Variants in ZNF557 observed in about 807,000 individuals in gnomAD.
ZNF557 encodes CTB-25J19.9.
ZNF557 carries 19 observed loss-of-function variants against 21.2 expected under a neutral mutation model. The observed-to-expected ratio is 0.90, with a 90% confidence interval of 0.63 to 1.32. The LOEUF (loss-of-function observed/expected upper bound fraction) is 1.32, where lower values mean the gene tolerates loss of function less well. Ranked by LOEUF, ZNF557 falls within the 40% of genes most tolerant of loss-of-function variation. The pLI is 0.00. For missense variants in ZNF557, 487 were observed against 519.8 expected, an observed-to-expected ratio of 0.94 and a Z score of 0.61; for synonymous variants, 207 against 194.8, an observed-to-expected ratio of 1.06 and a Z score of -0.52.
chr19:7,082,503 C>T (rs1325468155), intron 7 of ZNF557, among the ~76,000 whole-genome samples: 1 of 151,268 alleles, frequency 6.6e-6, no homozygotes, highest in African/African-American at 2.4e-5. Flanking sequence ...AGTAGTACCT[C>T]TGGAGAGATA....
In ZNF557 at chr19:7,086,948, G is replaced by A. The variant is rs2145182762; in HGVS notation, c.*3204G>A. 1 of 151,816 alleles carries A rather than the reference G, an allele frequency of 6.6e-6. No individual in the cohort carries two copies. The highest frequency in any genetic ancestry group is 2.0e-4 in the East Asian group (1 of 5,028). The allele number at this position is 151,816 out of a possible 1,614,324, so 9.4% of individuals were successfully genotyped here. ...GGAGGCTGAGGCAGGAGAATCGCTT[G>A]AGCCTGGGAAGCGGAGGTTGCAGTG... On this transcript the variant is annotated 3_prime_UTR_variant, in exon 8 of 8. Transcript: ENST00000252840.
intron 2 of ZNF557, among the ~76,000 whole-genome samples, chr19:7,073,703 G>C (rs550833307): frequency 6.6e-6 from 1 of 152,172 alleles, no homozygotes; most frequent in Non-Finnish European, 1.5e-5. Context: ...ACTGGCCTGT[G>C]GGGAATGGCT....
Position 7,082,049 on chromosome 19 carries a change from A to T in ZNF557, c.423A>T (p.Lys141Asn), listed in dbSNP as rs976715988. 7 of 1,612,344 alleles carry T rather than the reference A, an allele frequency of 4.3e-6. No homozygotes were observed. The highest frequency in any genetic ancestry group is 5.1e-6 in the Non-Finnish European group (6 of 1,178,430). ...GAAAAGAACAATCTAGAAATATGAA[A>T]ATGGTAAGACTAACATGGGTGATTC... ...VFRKEQSRNMKMERNHLGATL... is the reference protein window; with the variant it reads ...VFRKEQSRNMNMERNHLGATL... Residue 141 changes from lysine (K) to asparagine (N), a missense_variant, in exon 7 of 8, where the codon AAA becomes AAT. Lys to Asn is a moderately conservative substitution (Grantham distance 94). Transcript: ENST00000252840.
At chr19:7,072,821 C>G (rs1385834017) in intron 2 of ZNF557, among the ~76,000 whole-genome samples, 1 of 152,332 alleles carries the variant, frequency 6.6e-6, no homozygotes, top group East Asian at 1.9e-4. Context: ...GTGTGTCCTG[C>G]TCCCAGAAAG....
intron 5 of ZNF557, 59 bp from the exon 6 acceptor site, chr19:7,081,301 T>C: frequency 8.5e-7 from 1 of 1,182,412 alleles, no homozygotes; most frequent in Non-Finnish European, 1.3e-6. Context: ...TTCAGTTTCA[T>C]GGGAGAGCTT....
At chr19:7,077,203 T>A (rs767956368) in intron 5 of ZNF557, among the ~76,000 whole-genome samples, 13 of 136,992 alleles carry the variant, frequency 9.5e-5, no homozygotes, top group South Asian at 4.8e-4. Flanking sequence ...TGGTGTGATC[T>A]CAGCTTACTG....
Position 7,087,472 on chromosome 19 carries a change from G to C in ZNF557, c.*3728G>C, listed in dbSNP as rs1194055398. ...GGAGAATTGCTTCAAACTGGGCAGA[G>C]GTTGCAGTGAGCCAAGGTTGACCCA... On this transcript the variant is annotated 3_prime_UTR_variant, in exon 8 of 8. Coordinates refer to ENST00000252840, the MANE Select transcript of ZNF557 (RefSeq NM_024341.3). 1 of 150,782 alleles carries C rather than the reference G, an allele frequency of 6.6e-6. No individual in the cohort carries two copies. The highest frequency in any genetic ancestry group is 1.5e-5 in the Non-Finnish European group (1 of 67,830). 9.3% of individuals were successfully genotyped at this position (150,782 alleles called of 1,614,324 possible). A position where few individuals can be genotyped will look rare whatever the true frequency, so the allele number is the denominator to read the frequency against.
At chr19:7,077,157 A>C (rs1361178847) in intron 5 of ZNF557, among the ~76,000 whole-genome samples, 1 of 7,916 alleles carries the variant, frequency 1.3e-4, no homozygotes, top group Non-Finnish European at 2.8e-4. Context: ...TTTTTTTGAG[A>C]TGGAGTTTCA....
At chr19:7,070,753 T>G (rs1259768087) in intron 2 of ZNF557, 100 bp downstream of exon 2, 1 of 142,926 alleles carries the variant, frequency 7.0e-6, no homozygotes, top group Non-Finnish European at 1.5e-5. Flanking sequence ...AAGGACTCAC[T>G]AACAGTGAGG....
rs747070705 is a variant in ZNF557 at position 7,084,046 on chromosome 19, A to G, written c.*302A>G. ...TTCCAAATGGCTTACAAGCCCGACA[A>G]GTGCATGCTAGCTGTTTCCAAGGGA... On this transcript the variant is annotated 3_prime_UTR_variant, in exon 8 of 8. Coordinates refer to ENST00000252840, the MANE Select transcript of ZNF557 (RefSeq NM_024341.3). 6.5e-6 allele frequency: 2 copies of G among 305,376 alleles called. No homozygotes were observed. Among genetic ancestry groups the G allele is most frequent in the Non-Finnish European group, 1.2e-5 (2 of 162,538 alleles). The allele number at this position is 305,376 out of a possible 1,614,324, so 18.9% of individuals were successfully genotyped here. A position where few individuals can be genotyped will look rare whatever the true frequency, so the allele number is the denominator to read the frequency against.
At chr19:7,076,656 G>C (rs1267165372) in intron 5 of ZNF557, 149 bp downstream of exon 5, 1 of 1,161,780 alleles carries the variant, frequency 8.6e-7, no homozygotes, top group Non-Finnish European at 1.2e-6. Flanking sequence ...TAGGTTCACA[G>C]TGTAGTACAG....
intron 5 of ZNF557, among the ~76,000 whole-genome samples, chr19:7,081,127 A>G (rs578005394): frequency 2.7e-5 from 4 of 149,742 alleles, no homozygotes; most frequent in African/African-American, 9.9e-5. Context: ...TTATCCTGCA[A>G]CCACCCTAGA....
In ZNF557 at chr19:7,083,522, T is replaced by C. The variant is rs771837773; in HGVS notation, c.1071T>C (p.Phe357=). The change falls in exon 8 of 8, where the codon TTT becomes TTC. Residue 357 remains phenylalanine (F), a synonymous_variant. Transcript: ENST00000252840. ...CATGTAATGAGTGTGGGAAATCCTT[T>C]ACCAATAGCTTTTCTCTTACAATTC... ...PYTCNECGKS[F]TNSFSLTIHR... is the part of the protein sequence containing the mutation. 1.2e-6 allele frequency: 2 copies of C among 1,614,186 alleles called. No homozygotes were observed. Among genetic ancestry groups the C allele is most frequent in the Admixed American group, 3.3e-5 (2 of 60,022 alleles).
In ZNF557 at chr19:7,081,148, GGGGTGTGTGT is replaced by G. The variant is rs1450038857; in HGVS notation, c.248-210_248-201del. Among the ~76,000 whole-genome samples, 10 of 136,566 alleles carry G rather than the reference GGGGTGTGTGT, an allele frequency of 7.3e-5. No individual in the cohort carries two copies. The East Asian group carries it at 1.5e-3, about 20-fold the overall frequency. 89.6% of individuals were successfully genotyped at this position (136,566 alleles called of 152,430 possible). ...TGCAACCACCCTAGATATTGCTTGT[GGGGTGTGTGT>G]GTGTGTGTGTGTGTGTGTGTGTGTG... On this transcript the variant is annotated intron_variant, in intron 5 of 7. Coordinates refer to ENST00000252840, the MANE Select transcript of ZNF557 (RefSeq NM_024341.3).
At position 7,083,181 on chromosome 19, in the gene ZNF557, A is replaced by G. The variant is rs766174742; in HGVS notation, c.730A>G (p.Thr244Ala). 4 of 1,614,108 alleles carry G rather than the reference A, an allele frequency of 2.5e-6. No individual in the cohort carries two copies. The highest frequency in any genetic ancestry group is 3.4e-6 in the Non-Finnish European group (4 of 1,180,018). ...KPYECSDCGK[T>A]FSNSSYLRPH... ...CTACGAATGCAGTGACTGTGGGAAA[A>G]CCTTCAGCAATTCCTCATACCTCAG... Residue 244 changes from threonine (T) to alanine (A), a missense_variant, in exon 8 of 8, where the codon ACC (threonine) becomes GCC (alanine). Thr to Ala is a moderately conservative substitution (Grantham distance 58). Transcript: ENST00000252840.
chr19:7,074,326 G>A (rs1449760891), intron 2 of ZNF557, among the ~76,000 whole-genome samples: 1 of 30,646 alleles, frequency 3.3e-5, no homozygotes, highest in Non-Finnish European at 7.2e-5. Context: ...ATCTTTGTGT[G>A]TATATACACA....
chr19:7,071,107 G>A (rs1363760205), intron 2 of ZNF557, among the ~76,000 whole-genome samples: 1 of 152,148 alleles, frequency 6.6e-6, no homozygotes, highest in Non-Finnish European at 1.5e-5. Context: ...TCAAGAGAAG[G>A]ATACTAAGGG....
At chr19:7,070,756 C>G (rs2145159830) in intron 2 of ZNF557, 103 bp downstream of exon 2, 1 of 137,252 alleles carries the variant, frequency 7.3e-6, no homozygotes, top group East Asian at 2.1e-4. Context: ...GACTCACTAA[C>G]AGTGAGGGTA....
Position 7,081,420 on chromosome 19 carries a change from C to G in ZNF557, c.308C>G (p.Thr103Arg), listed in dbSNP as rs188311017. 1.2e-6 allele frequency: 2 copies of G among 1,613,782 alleles called. No homozygotes were observed. The highest frequency in any genetic ancestry group is 2.2e-5 in the East Asian group (1 of 44,874). ...SQLEQEDKVM[T>R]EERGILSGTC... ...CTGGAGCAAGAAGATAAAGTGATGA[C>G]AGAAGAGAGAGGAATTCTCTCAGGT... The change falls in exon 6 of 8, where the codon ACA (threonine) becomes AGA (arginine). Residue 103 changes from threonine to arginine, a missense_variant. Physicochemically the swap from Thr to Arg is moderately conservative, Grantham distance 71. Coordinates refer to ENST00000252840, the MANE Select transcript of ZNF557 (RefSeq NM_024341.3).
Sources: allele counts gnomAD v4.1 joint callset (sites outside exome capture counted in the v4.1 genomes callset), GRCh38; gene constraint gnomAD v4.1.1; transcripts MANE v1.5; gene names NCBI Gene and HGNC (gene_info 2026-07-23, HGNC 2026-07-21).